MECOM: variants seen among roughly 807,000 people sequenced by gnomAD.
MECOM encodes histone-lysine N-methyltransferase MECOM.
In MECOM, 13 loss-of-function variants were observed where a neutral mutation model predicts 116.3. The observed-to-expected ratio is 0.11, with a 90% CI of 0.07 to 0.18. MECOM has a LOEUF of 0.18. Ranked by LOEUF, MECOM falls within the 10% of genes least tolerant of loss-of-function variation. MECOM has a pLI of 1.00. For synonymous variants in MECOM, 528 were observed against 535.2 expected (o/e 0.99, Z 0.19); for missense variants, 1,299 against 1,509.0 (o/e 0.86, Z 2.31).
chr3:169,182,565 T>A (rs1746108955), intron 2 of MECOM, among the ~76,000 whole-genome samples: 1 of 152,172 alleles, frequency 6.6e-6, no homozygotes, highest in Non-Finnish European at 1.5e-5. Flanking sequence ...GTAGAGAAAT[T>A]CCCTTTAATT....
At chr3:169,632,244 T>C (rs1772185098) in intron 1 of MECOM, among the ~76,000 whole-genome samples, 1 of 152,016 alleles carries the variant, frequency 6.6e-6, no homozygotes, top group East Asian at 1.9e-4. Flanking sequence ...TGTTTCAAAA[T>C]AAAGCTATGT....
chr3:169,417,226 T>C (rs1430253647), intron 1 of MECOM, among the ~76,000 whole-genome samples: 4 of 149,856 alleles, frequency 2.7e-5, no homozygotes, highest in Admixed American at 1.3e-4. Flanking sequence ...AGGGCTAATA[T>C]CCAGAATCTA....
chr3:169,379,615 A>C (rs1187293498), intron 2 of MECOM, among the ~76,000 whole-genome samples: 1 of 152,110 alleles, frequency 6.6e-6, no homozygotes, highest in Non-Finnish European at 1.5e-5. Flanking sequence ...CATAGGTATT[A>C]TGTTTAAAAC....
intron 2 of MECOM, among the ~76,000 whole-genome samples, chr3:169,218,382 C>T (rs1434141912): frequency 6.6e-6 from 1 of 152,160 alleles, no homozygotes; most frequent in Non-Finnish European, 1.5e-5. Context: ...GATGTATGCA[C>T]TTGACTTGTC....
chr3:169,173,260 T>G (rs1056049711), intron 2 of MECOM, among the ~76,000 whole-genome samples: 3 of 152,116 alleles, frequency 2.0e-5, no homozygotes, highest in African/African-American at 7.2e-5. Context: ...TTCAGGATGC[T>G]CTCCTGGGAT....
Position 169,663,484 on chromosome 3 carries a change from CT to C in MECOM, c.-113del, listed in dbSNP as rs1776598856. The C allele has an allele frequency of 3.3e-5, 6 of 180,886 alleles. No individual in the cohort carries two copies. Among genetic ancestry groups the C allele is most frequent in the South Asian group, 1.2e-4 (2 of 16,772 alleles). The allele number at this position is 180,886 out of a possible 1,614,324, so 11.2% of individuals were successfully genotyped here. A position where few individuals can be genotyped will look rare whatever the true frequency, so the allele number is the denominator to read the frequency against. On this transcript the variant is annotated 5_prime_UTR_variant, in exon 1 of 17. Coordinates refer to ENST00000651503, the MANE Select transcript of MECOM (RefSeq NM_004991.4). Reference sequence around the variant, plus strand: ...CTCCCTCTCTCTCCTGTCTCTCTCTCTCTCTCTCTCTCTCTCTCTCTCTCTC... The same window carrying C: ...CTCCCTCTCTCTCCTGTCTCTCTCTCCTCTCTCTCTCTCTCTCTCTCTCTC...
chr3:169,608,328 A>G lies in MECOM; in HGVS notation c.37+55008T>C, dbSNP rs534775770. ...CCTCCCAGCTTTCCTGCATACCCCT[A>G]TGAGCATCCCTAGTTTGCAGAAACC... On this transcript the variant is annotated intron_variant, in intron 1 of 16. Transcript: ENST00000651503. 9.2e-5 allele frequency among the ~76,000 whole-genome samples: 14 copies of G among 152,250 alleles called. 1 individual carries two copies. The South Asian group carries it at 2.9e-3, about 32-fold the overall frequency.
intron 1 of MECOM, among the ~76,000 whole-genome samples, chr3:169,457,571 T>A (rs1175022814): frequency 6.6e-6 from 1 of 151,938 alleles, no homozygotes; most frequent in African/African-American, 2.4e-5. Context: ...AAAAGACAAA[T>A]AGAAGAAAAA....
chr3:169,276,853 A>G (rs1304556751), intron 2 of MECOM, among the ~76,000 whole-genome samples: 2 of 152,268 alleles, frequency 1.3e-5, no homozygotes, highest in Non-Finnish European at 2.9e-5. Context: ...GCCTATATTA[A>G]ATAATTTGAA....
intron 1 of MECOM, among the ~76,000 whole-genome samples, chr3:169,538,079 G>T (rs1216436207): frequency 6.6e-6 from 1 of 152,108 alleles, no homozygotes; most frequent in African/African-American, 2.4e-5. Flanking sequence ...ATCAGTGCTG[G>T]TTAAAAGCAC....
intron 1 of MECOM, among the ~76,000 whole-genome samples, chr3:169,596,532 C>G (rs750070910): frequency 2.0e-5 from 3 of 152,120 alleles, no homozygotes; most frequent in African/African-American, 4.8e-5. Flanking sequence ...TGAAGGAAAT[C>G]TATTTTGCGT....
intron 2 of MECOM, among the ~76,000 whole-genome samples, chr3:169,205,650 A>G (rs1258483659): frequency 6.6e-6 from 1 of 152,214 alleles, no homozygotes; most frequent in Non-Finnish European, 1.5e-5. Flanking sequence ...TAATTAAAAA[A>G]TGGGAGGATT....
At position 169,593,440 on chromosome 3, in the gene MECOM, C is replaced by T. The variant is rs115737690; in HGVS notation, c.37+69896G>A. 7.9e-3 allele frequency among the ~76,000 whole-genome samples: 1,205 copies of T among 152,218 alleles called. 21 individuals are homozygous for T. Among genetic ancestry groups the T allele is most frequent in the African/African-American group, 0.028 (1,151 of 41,532 alleles). ...CCCAATAGAGGAACCATTAGGGGTT[C>T]CTGAGGCAAATATACCCTATACAGT... On this transcript the variant is annotated intron_variant, in intron 1 of 16. Transcript: ENST00000651503.
At chr3:169,178,752 T>C (rs1745550576) in intron 2 of MECOM, among the ~76,000 whole-genome samples, 1 of 152,240 alleles carries the variant, frequency 6.6e-6, no homozygotes, top group Non-Finnish European at 1.5e-5. Flanking sequence ...AATCCTAGGA[T>C]ATGTTACGCT....
At chr3:169,383,628 ACTATCCAT>A (rs1732837424) in intron 1 of MECOM, among the ~76,000 whole-genome samples, 1 of 151,994 alleles carries the variant, frequency 6.6e-6, no homozygotes, top group African/African-American at 2.4e-5. Flanking sequence ...GCTTCTTTCC[ACTATCCAT>A]CAACACTGAG....
At chr3:169,375,764 G>A (rs1036936250) in intron 2 of MECOM, among the ~76,000 whole-genome samples, 2 of 152,034 alleles carry the variant, frequency 1.3e-5, no homozygotes, top group Non-Finnish European at 2.9e-5. Flanking sequence ...AGAGGAGCTC[G>A]TACCATTACT....
intron 2 of MECOM, among the ~76,000 whole-genome samples, chr3:169,346,713 T>A (rs924245274): frequency 1.3e-5 from 2 of 151,704 alleles, no homozygotes; most frequent in Non-Finnish European, 2.9e-5. Flanking sequence ...TAAAAAAAAA[T>A]TTAAAATACT....
At chr3:169,088,024 C>A (rs1441906172) in intron 16 of MECOM, among the ~76,000 whole-genome samples, 1 of 152,180 alleles carries the variant, frequency 6.6e-6, no homozygotes, top group Non-Finnish European at 1.5e-5. Context: ...CCCATTGACA[C>A]AATGTTTTTC....
chr3:169,344,831 T>C (rs1257612090), intron 2 of MECOM, among the ~76,000 whole-genome samples: 2 of 152,170 alleles, frequency 1.3e-5, no homozygotes, highest in Non-Finnish European at 2.9e-5. Context: ...TCCATAGGCT[T>C]CCTGTCAACC....
Sources: gnomAD v4.1 joint callset for allele counts (sites outside exome capture counted in the v4.1 genomes callset) on GRCh38, gnomAD v4.1.1 for gene constraint, MANE v1.5 for transcripts, NCBI Gene and HGNC (gene_info 2026-07-23, HGNC 2026-07-21) for gene names.